QKI: variants seen among roughly 807,000 people sequenced by gnomAD.
QKI encodes QKI, KH domain containing RNA binding, also known as KH domain-containing RNA-binding protein QKI.
Under a neutral mutation model 39.0 loss-of-function variants are expected in QKI, and 10 were observed. The observed-to-expected ratio is 0.26, with a 90% confidence interval of 0.16 to 0.43. The LOEUF (loss-of-function observed/expected upper bound fraction) is 0.43, where lower values mean the gene tolerates loss of function less well. Ranked by LOEUF, QKI falls within the 20% of genes least tolerant of loss-of-function variation. The pLI is 1.00. For synonymous variants in QKI, 204 were observed against 155.4 expected (o/e 1.31, Z -2.33); for missense variants, 218 against 428.0 (o/e 0.51, Z 4.33).
chr6:163,525,262 G>C (rs979845823), intron 3 of QKI, among the ~76,000 whole-genome samples: 1 of 99,364 alleles, frequency 1.0e-5, no homozygotes, highest in African/African-American at 4.4e-5. Flanking sequence ...AAAACATCTT[G>C]TTTCCTTTTT....
chr6:163,567,943 C>T (rs759107561), intron 7 of QKI: 1 of 984,436 alleles, frequency 1.0e-6, no homozygotes, highest in African/African-American at 1.7e-5. Flanking sequence ...AAATAACATG[C>T]CTTTCCCAAA....
At chr6:163,502,339 A>G (rs753955675) in intron 3 of QKI, among the ~76,000 whole-genome samples, 4 of 152,070 alleles carry the variant, frequency 2.6e-5, no homozygotes, top group Non-Finnish European at 4.4e-5. Flanking sequence ...AAACAAAACA[A>G]ACAAACAAAC....
At chr6:163,528,305 G>T (rs921740964) in intron 3 of QKI, among the ~76,000 whole-genome samples, 1 of 152,106 alleles carries the variant, frequency 6.6e-6, no homozygotes, top group African/African-American at 2.4e-5. Flanking sequence ...AAAAATTCTA[G>T]AGATTCCACT....
chr6:163,447,249 A>ATTTTTTT (rs4038332), intron 1 of QKI, among the ~76,000 whole-genome samples: 1 of 120,188 alleles, frequency 8.3e-6, no homozygotes, highest in Non-Finnish European at 1.7e-5. Flanking sequence ...GGTGCACGTG[A>ATTTTTTT]TTTTTTTTTT....
intron 3 of QKI, among the ~76,000 whole-genome samples, chr6:163,480,466 A>G (rs894804629): frequency 1.3e-5 from 2 of 152,152 alleles, no homozygotes; most frequent in East Asian, 3.8e-4. Context: ...AAGCCCTCAC[A>G]TAAGCTGACT....
intron 3 of QKI, among the ~76,000 whole-genome samples, chr6:163,516,874 T>C (rs1375873082): frequency 1.3e-5 from 2 of 152,176 alleles, no homozygotes; most frequent in Non-Finnish European, 2.9e-5. Context: ...TATAACTGTT[T>C]TGAAACACAT....
intron 4 of QKI, among the ~76,000 whole-genome samples, chr6:163,561,453 A>C (rs1782998499): frequency 2.0e-5 from 3 of 152,064 alleles, no homozygotes; most frequent in Admixed American, 2.0e-4. Flanking sequence ...CAAAAAATAA[A>C]AAAAATTAGC....
intron 1 of QKI, among the ~76,000 whole-genome samples, chr6:163,427,660 T>C (rs1378286537): frequency 6.6e-6 from 1 of 152,022 alleles, no homozygotes; most frequent in Non-Finnish European, 1.5e-5. Flanking sequence ...GTCAGGTGCG[T>C]GCGTGTGTGT....
intron 4 of QKI, among the ~76,000 whole-genome samples, chr6:163,552,820 CT>C (rs1782328492): frequency 2.0e-5 from 3 of 152,088 alleles, no homozygotes; most frequent in South Asian, 2.1e-4. Flanking sequence ...ATTTATCTTG[CT>C]TTACCTTTCT....
intron 2 of QKI, among the ~76,000 whole-genome samples, chr6:163,458,019 A>G (rs904208274): frequency 6.6e-6 from 1 of 152,140 alleles, no homozygotes; most frequent in Admixed American, 6.6e-5. Context: ...AAAACATTCT[A>G]GGCAGAGTGA....
At chr6:163,509,442 C>T (rs1021578782) in intron 3 of QKI, among the ~76,000 whole-genome samples, 2 of 148,964 alleles carry the variant, frequency 1.3e-5, no homozygotes, top group Non-Finnish European at 3.0e-5. Flanking sequence ...CTTCCCCCTT[C>T]TTAATTTCTT....
chr6:163,474,443 C>T (rs930970818), intron 2 of QKI, among the ~76,000 whole-genome samples: 2 of 151,878 alleles, frequency 1.3e-5, no homozygotes, highest in Non-Finnish European at 2.9e-5. Flanking sequence ...TTATGAGAGT[C>T]AGTAATGAAG....
intron 2 of QKI, among the ~76,000 whole-genome samples, chr6:163,476,092 T>C (rs1057293636): frequency 2.0e-5 from 3 of 152,168 alleles, no homozygotes; most frequent in Non-Finnish European, 4.4e-5. Context: ...AAAAAATGCT[T>C]AGCTTCATTA....
intron 1 of QKI, among the ~76,000 whole-genome samples, chr6:163,445,554 A>G (rs1291116634): frequency 6.6e-6 from 1 of 151,906 alleles, no homozygotes; most frequent in African/African-American, 2.4e-5. Context: ...ATTTTTGGCA[A>G]AACAATCACA....
chr6:163,516,104 A>G (rs1203354033), intron 3 of QKI, among the ~76,000 whole-genome samples: 1 of 152,104 alleles, frequency 6.6e-6, no homozygotes, highest in African/African-American at 2.4e-5. Context: ...TAAGATTAAT[A>G]TTTGTTTTGT....
At chr6:163,419,304 AT>A (rs11356516) in intron 1 of QKI, among the ~76,000 whole-genome samples, 57,401 of 149,716 alleles carry the variant, frequency 0.38, 12,054 homozygotes, top group East Asian at 0.71. Flanking sequence ...TCTTACCATA[AT>A]TTTTTTTTTT....
intron 6 of QKI, chr6:163,564,566 C>A: frequency 6.3e-7 from 1 of 1,591,796 alleles, no homozygotes. Context: ...TTCAGAATCT[C>A]ACTTAAGGCA....
intron 1 of QKI, among the ~76,000 whole-genome samples, chr6:163,428,370 G>T (rs1241398190): frequency 1.3e-5 from 2 of 152,004 alleles, no homozygotes; most frequent in Non-Finnish European, 1.5e-5. Context: ...ATATTGAGAG[G>T]TATCCTGTTT....
At chr6:163,540,040 T>A (rs949715110) in intron 4 of QKI, among the ~76,000 whole-genome samples, 2 of 151,622 alleles carry the variant, frequency 1.3e-5, no homozygotes, top group African/African-American at 4.9e-5. Flanking sequence ...AATGTTCACA[T>A]CTTGAACTGT....
Sources: gnomAD v4.1 joint callset for allele counts (sites outside exome capture counted in the v4.1 genomes callset) on GRCh38, gnomAD v4.1.1 for gene constraint, MANE v1.5 for transcripts, NCBI Gene and HGNC (gene_info 2026-07-23, HGNC 2026-07-21) for gene names.